CNIH3: variants seen among roughly 807,000 people sequenced by gnomAD.
CNIH3 encodes the protein cornichon family AMPA receptor auxiliary protein 3.
Under a neutral mutation model 24.1 loss-of-function variants are expected in CNIH3, and 14 were observed. The ratio of observed to expected loss-of-function variants is 0.58; its 90% CI spans 0.38 to 0.91. CNIH3 has a LOEUF of 0.91. CNIH3 is among the 40% of genes least tolerant of loss of function. CNIH3 has a pLI of 0.00. For missense variants in CNIH3, 178 were observed against 196.8 expected (o/e 0.90, Z 0.57); for synonymous variants, 68 against 73.8 (o/e 0.92, Z 0.40).
chr1:224,516,234 G>C (rs537796518), intron 1 of CNIH3, among the ~76,000 whole-genome samples: 1 of 142,656 alleles, frequency 7.0e-6, no homozygotes, highest in Non-Finnish European at 1.5e-5. Context: ...AGAATCGATC[G>C]AACCAGGAGG....
At chr1:224,563,075 A>G (rs1280212225) in intron 3 of CNIH3, among the ~76,000 whole-genome samples, 3 of 152,214 alleles carry the variant, frequency 2.0e-5, no homozygotes, top group Non-Finnish European at 4.4e-5. Flanking sequence ...AAGTGGTTTT[A>G]CATAATATAG....
chr1:224,606,530 A>T (rs1572567711), intron 3 of CNIH3, among the ~76,000 whole-genome samples: 1 of 151,592 alleles, frequency 6.6e-6, no homozygotes, highest in South Asian at 2.1e-4. Context: ...TCTCTGCTGC[A>T]CCTCTGCCAG....
intron 1 of CNIH3, among the ~76,000 whole-genome samples, chr1:224,624,856 C>T (rs1022151492): frequency 1.3e-5 from 2 of 152,214 alleles, no homozygotes; most frequent in African/African-American, 4.8e-5. Context: ...GATATCCTCA[C>T]CTTCTTGCAA....
chr1:224,723,022 A>T (rs1688814261), intron 3 of CNIH3, among the ~76,000 whole-genome samples: 2 of 152,150 alleles, frequency 1.3e-5, no homozygotes. Context: ...TCCCCTGCAC[A>T]GGGTACAGCT....
At chr1:224,568,480 G>A (rs1031301404) in intron 4 of CNIH3, among the ~76,000 whole-genome samples, 9 of 152,172 alleles carry the variant, frequency 5.9e-5, no homozygotes, top group African/African-American at 2.2e-4. Flanking sequence ...ATATTGGCCA[G>A]GCATGGTGGT....
intron 1 of CNIH3, among the ~76,000 whole-genome samples, chr1:224,480,796 C>T (rs748561370): frequency 4.6e-5 from 7 of 152,194 alleles, no homozygotes; most frequent in Non-Finnish European, 8.8e-5. Context: ...TGGTCAAAGC[C>T]ATTCAACAAG....
intron 1 of CNIH3, chr1:224,661,284 A>C (rs534134518): frequency 3.3e-6 from 1 of 300,250 alleles, no homozygotes; most frequent in South Asian, 4.1e-5. Flanking sequence ...TCCTTTTTTT[A>C]GTAATTTTTT....
intron 3 of CNIH3, among the ~76,000 whole-genome samples, chr1:224,690,908 C>T (rs1034021828): frequency 3.3e-5 from 5 of 152,066 alleles, no homozygotes; most frequent in Non-Finnish European, 4.4e-5. Context: ...GCACCTGTGT[C>T]GGTTTCTTGT....
chr1:224,634,380 C>G (rs1399570165), intron 1 of CNIH3, among the ~76,000 whole-genome samples: 2 of 152,058 alleles, frequency 1.3e-5, no homozygotes, highest in East Asian at 3.9e-4. Context: ...ATGAGCCTGG[C>G]CAACATAGTG....
chr1:224,730,407 C>G, intron 3 of CNIH3, 55 bp from the exon 4 acceptor site: 1 of 1,146,472 alleles, frequency 8.7e-7, no homozygotes, highest in South Asian at 1.3e-5. Flanking sequence ...GCCATAGAAG[C>G]AGGAGTGGCG....
intron 1 of CNIH3, among the ~76,000 whole-genome samples, chr1:224,441,038 A>G (rs371192294): frequency 1.1e-4 from 17 of 151,890 alleles, no homozygotes; most frequent in African/African-American, 3.1e-4. Flanking sequence ...GGATGGTCTC[A>G]ATCTCCTGAC....
rs192429332 is a variant in CNIH3 at position 224,574,886 on chromosome 1, G to A, written n.517-8278G>A. 2.3e-4 allele frequency: 233 copies of A among 1,012,296 alleles called. 1 individual carries two copies. Among genetic ancestry groups the A allele is most frequent in the Non-Finnish European group, 3.3e-4 (206 of 632,760 alleles). 62.7% of individuals were successfully genotyped at this position (1,012,296 alleles called of 1,614,324 possible). On this transcript the variant is annotated intron_variant and non_coding_transcript_variant, in intron 4 of 5. Coordinates refer to the CNIH3 transcript ENST00000471578. ...CATGGGCGGGCATGGAAGAGCTGGT[G>A]GATGAAGGGCTGGTGAAAGCTATTG... is the stretch of plus-strand genomic sequence containing the variant.
rs1686571601 is a variant in CNIH3, at chr1:224,684,779, C to T, written c.151-17C>T. 6.2e-7 allele frequency: 1 copy of T among 1,613,154 alleles called. No homozygotes were observed. The highest frequency in any genetic ancestry group is 1.3e-5 in the African/African-American group (1 of 74,888). ...CCCTAACCTCCCCTCTCATTTCTTT[C>T]TTGTGCATCCTGATAGAGGGAACGG... On this transcript the variant is annotated splice_polypyrimidine_tract_variant and intron_variant, in intron 2 of 5. Transcript: ENST00000272133. The surrounding 1 kb of genome is among the most constrained non-coding windows in gnomAD (Gnocchi z 4.2).
rs531572243 is a variant in CNIH3, at chr1:224,703,067, G to A, written c.198+18224G>A. On this transcript the variant is annotated intron_variant, in intron 3 of 5. Transcript: ENST00000272133. The surrounding 1 kb of genome is among the most constrained non-coding windows in gnomAD (Gnocchi z 4.2). ...TATAAATGCTGCCAAGATAGCTCCA[G>A]TATGCAGGCAGAGGCAAACCATTGC... Among the ~76,000 whole-genome samples the A allele has an allele frequency of 6.6e-6, 1 of 152,348 alleles. No individual in the cohort carries two copies. Among genetic ancestry groups the A allele is most frequent in the Non-Finnish European group, 1.5e-5 (1 of 68,032 alleles).
At position 224,684,803 on chromosome 1, in the gene CNIH3, G is replaced by A. The variant is rs775410636; in HGVS notation, c.158G>A (p.Arg53Gln). ...DQCNPVHARE[R>Q]LRNIERICFL... ...TCTTGTGCATCCTGATAGAGGGAAC[G>A]GTTGAGGAACATCGAGCGCATCTGC... The change falls in exon 3 of 6, where the codon CGG (arginine) becomes CAG (glutamine). Residue 53 changes from arginine (R) to glutamine (Q), a missense_variant. By Grantham distance (43) the Arg-to-Gln change is conservative. Transcript: ENST00000272133. This position sits in a 1 kb window ranked among gnomAD's most constrained non-coding sequence, Gnocchi z 4.2. 6 of 1,614,066 alleles carry A rather than the reference G, an allele frequency of 3.7e-6. No individual in the cohort carries two copies. Among genetic ancestry groups the A allele is most frequent in the East Asian group, 2.2e-5 (1 of 44,874 alleles).
intron 3 of CNIH3, among the ~76,000 whole-genome samples, chr1:224,723,492 A>G (rs958586859): frequency 1.3e-5 from 2 of 152,190 alleles, no homozygotes; most frequent in Non-Finnish European, 2.9e-5. Flanking sequence ...CAGAGGCCCC[A>G]TGGGATGGAA....
rs1288469722 is a variant in CNIH3 at position 224,704,145 on chromosome 1, T to C, written c.198+19302T>C. Among the ~76,000 whole-genome samples, 1 of 152,162 alleles carries C rather than the reference T, an allele frequency of 6.6e-6. No individual in the cohort carries two copies. On this transcript the variant is annotated intron_variant, in intron 3 of 5. Coordinates refer to ENST00000272133, the MANE Select transcript of CNIH3 (RefSeq NM_152495.2). The surrounding 1 kb of genome is among the most constrained non-coding windows in gnomAD (Gnocchi z 4.2). ...CAGGGTGGCAGGTGGAAGGACGGTG[T>C]GTGTCCTGCCTGGTGTGAGCAGGCT...
At chr1:224,467,958 T>G (rs1216269275) in intron 1 of CNIH3, among the ~76,000 whole-genome samples, 1 of 151,974 alleles carries the variant, frequency 6.6e-6, no homozygotes, top group East Asian at 1.9e-4. Context: ...CTTCCTCTAT[T>G]AAATCATGTT....
intron 4 of CNIH3, among the ~76,000 whole-genome samples, chr1:224,576,934 T>A (rs1450958942): frequency 6.6e-6 from 1 of 152,122 alleles, no homozygotes; most frequent in African/African-American, 2.4e-5. Context: ...CCAACTGATC[T>A]TCAGCAAAGC....
Sources: gnomAD v4.1 joint callset for allele counts (sites outside exome capture counted in the v4.1 genomes callset) on GRCh38, gnomAD v4.1.1 for gene constraint, Gnocchi (gnomAD v3.1) non-coding constraint, MANE v1.5 for transcripts, NCBI Gene and HGNC (gene_info 2026-07-23, HGNC 2026-07-21) for gene names.